Variants in SHB observed in about 807,000 individuals in gnomAD.
The protein encoded by SHB is SH2 domain-containing adapter protein B.
In SHB, 20 loss-of-function variants were observed where a neutral mutation model predicts 52.3. The ratio of observed to expected loss-of-function variants is 0.38; its 90% CI spans 0.27 to 0.56. The LOEUF (loss-of-function observed/expected upper bound fraction) is 0.56, where lower values mean the gene tolerates loss of function less well. Among genes scored for constraint, SHB ranks in the 20% least tolerant of loss-of-function variants. SHB has a pLI of 0.71. For synonymous variants in SHB, 397 were observed against 316.5 expected, an observed-to-expected ratio of 1.25 and a Z score of -2.70; for missense variants, 825 against 723.3, an observed-to-expected ratio of 1.14 and a Z score of -1.61.
In SHB at chr9:37,942,254, T is replaced by C. The variant is rs115501424; in HGVS notation, c.1346+6381A>G. ...CCGGCTGCTCTAAGCCGGATACAAA[T>C]AGACGTCATCAAGCAATCTGAAGGA... On this transcript the variant is annotated intron_variant, in intron 5 of 5. Coordinates refer to ENST00000377707, the MANE Select transcript of SHB (RefSeq NM_003028.3). 2.2e-3 allele frequency among the ~76,000 whole-genome samples: 338 copies of C among 152,252 alleles called. 1 individual carries two copies. The highest frequency in any genetic ancestry group is 4.2e-3 in the African/African-American group (173 of 41,546).
At chr9:38,047,251 A>G (rs1821662787) in intron 1 of SHB, among the ~76,000 whole-genome samples, 1 of 152,208 alleles carries the variant, frequency 6.6e-6, no homozygotes, top group African/African-American at 2.4e-5. Context: ...TCCTTACACA[A>G]TTCCTGTGAG....
In SHB at chr9:37,919,161, C is replaced by T. The variant is rs1280513008; in HGVS notation, c.*660G>A. 6.6e-6 allele frequency: 1 copy of T among 152,644 alleles called. No individual in the cohort carries two copies. Among genetic ancestry groups the T allele is most frequent in the Admixed American group, 6.5e-5 (1 of 15,286 alleles). 9.5% of individuals were successfully genotyped at this position (152,644 alleles called of 1,614,324 possible). On this transcript the variant is annotated 3_prime_UTR_variant, in exon 6 of 6. Coordinates refer to ENST00000377707, the MANE Select transcript of SHB (RefSeq NM_003028.3). Reference sequence around the variant, plus strand: ...TTAAATGACTATTTTATTTACACACCCTATTCATAAATAATTGAATCCTCT... The same window carrying T: ...TTAAATGACTATTTTATTTACACACTCTATTCATAAATAATTGAATCCTCT...
chr9:37,946,647 T>G (rs1832494626), intron 5 of SHB, among the ~76,000 whole-genome samples: 1 of 152,184 alleles, frequency 6.6e-6, no homozygotes, highest in African/African-American at 2.4e-5. Flanking sequence ...AACAGGAAGC[T>G]GGAGCAGCTG....
intron 1 of SHB, among the ~76,000 whole-genome samples, chr9:38,018,917 A>G (rs142302538): frequency 5.0e-4 from 76 of 152,346 alleles, no homozygotes; most frequent in African/African-American, 1.8e-3. Flanking sequence ...AGTTTTCTCC[A>G]GATGTGAGAT....
At chr9:37,933,199 T>C (rs1327845609) in intron 5 of SHB, among the ~76,000 whole-genome samples, 1 of 152,158 alleles carries the variant, frequency 6.6e-6, no homozygotes, top group Non-Finnish European at 1.5e-5. Context: ...GTGGAAAAAC[T>C]CCCAATAGTT....
At chr9:38,028,082 G>C (rs1350195998) in intron 1 of SHB, among the ~76,000 whole-genome samples, 2 of 152,130 alleles carry the variant, frequency 1.3e-5, no homozygotes, top group East Asian at 3.8e-4. Context: ...CAGAATCACA[G>C]GAGTCCCCAG....
At chr9:37,982,621 T>C (rs1192757968) in intron 2 of SHB, among the ~76,000 whole-genome samples, 2 of 141,916 alleles carry the variant, frequency 1.4e-5, no homozygotes, top group Non-Finnish European at 3.0e-5. Flanking sequence ...TGAAACCCCG[T>C]CTCTACTAAA....
At chr9:37,949,377 A>G (rs1832534682) in intron 4 of SHB, among the ~76,000 whole-genome samples, 1 of 147,828 alleles carries the variant, frequency 6.8e-6, no homozygotes, top group Non-Finnish European at 1.5e-5. Context: ...TGGAAGACAC[A>G]GCAAGACTCC....
At chr9:38,023,875 C>T (rs1247690317) in intron 1 of SHB, among the ~76,000 whole-genome samples, 1 of 152,204 alleles carries the variant, frequency 6.6e-6, no homozygotes, top group Non-Finnish European at 1.5e-5. Flanking sequence ...CAGGTACACA[C>T]ACAAGCGCCC....
chr9:38,027,089 C>T (rs57567957), intron 1 of SHB, among the ~76,000 whole-genome samples: 4,036 of 152,286 alleles, frequency 0.027, 160 homozygotes, highest in African/African-American at 0.092. Flanking sequence ...TGTCTGCTTC[C>T]GCTCCACCAG....
In SHB at chr9:38,068,199, G is replaced by C; in HGVS notation, c.447C>G (p.Ala149=). ...CCCASSGAGA[A]ASSSSSSGSP... is the part of the protein sequence containing the mutation. Reference sequence around the variant, plus strand: ...AGCCGGAGGACGAGGACGAGGACGCGGCGGCCCCCGCGCCCGAGGAGGCGC... The same window carrying C: ...AGCCGGAGGACGAGGACGAGGACGCCGCGGCCCCCGCGCCCGAGGAGGCGC... Residue 149 remains alanine (A), a synonymous_variant, in exon 1 of 6, where the codon GCC becomes GCG. Transcript: ENST00000377707. The C allele has an allele frequency of 1.4e-6, 2 of 1,402,802 alleles. No individual in the cohort carries two copies. Among genetic ancestry groups the C allele is most frequent in the Non-Finnish European group, 1.8e-6 (2 of 1,091,710 alleles). The allele number at this position is 1,402,802 out of a possible 1,614,324, so 86.9% of individuals were successfully genotyped here. A position where few individuals can be genotyped will look rare whatever the true frequency, so the allele number is the denominator to read the frequency against.
chr9:37,981,699 A>T (rs931487278), intron 2 of SHB, among the ~76,000 whole-genome samples: 1 of 152,166 alleles, frequency 6.6e-6, no homozygotes, highest in African/African-American at 2.4e-5. Context: ...TTAAAGTGAG[A>T]GATGTGTGAC....
rs1014250876 is a variant in SHB, at chr9:37,916,384, G to A, written c.*3437C>T. ...AGAGCAAATGGGGACCCTGGCTGCCGGTCCTTGCCAGGCCCTTGGTCAATG... is the reference window on the plus strand; with the variant it reads ...AGAGCAAATGGGGACCCTGGCTGCCAGTCCTTGCCAGGCCCTTGGTCAATG... On this transcript the variant is annotated 3_prime_UTR_variant, in exon 6 of 6. Transcript: ENST00000377707. 1.3e-5 allele frequency among the ~76,000 whole-genome samples: 2 copies of A among 152,220 alleles called. No individual in the cohort carries two copies. Among genetic ancestry groups the A allele is most frequent in the South Asian group, 2.1e-4 (1 of 4,834 alleles).
chr9:38,005,003 A>G (rs966555855), intron 2 of SHB, among the ~76,000 whole-genome samples: 2 of 152,190 alleles, frequency 1.3e-5, no homozygotes, highest in Non-Finnish European at 2.9e-5. Flanking sequence ...GACATTCTTC[A>G]CCAGAAAGTT....
chr9:37,943,232 T>C (rs1317001195), intron 5 of SHB, among the ~76,000 whole-genome samples: 1 of 152,170 alleles, frequency 6.6e-6, no homozygotes, highest in Admixed American at 6.5e-5. Context: ...TCCTTCACAT[T>C]CCCCTTCCTG....
chr9:38,013,096 C>T (rs12335961), intron 2 of SHB, among the ~76,000 whole-genome samples: 3,829 of 151,996 alleles, frequency 0.025, 140 homozygotes, highest in African/African-American at 0.086. Flanking sequence ...CAGCAAGGAT[C>T]GTTACAAACA....
At chr9:37,952,637 G>A (rs1418178868) in intron 4 of SHB, among the ~76,000 whole-genome samples, 2 of 152,222 alleles carry the variant, frequency 1.3e-5, no homozygotes, top group Non-Finnish European at 2.9e-5. Flanking sequence ...TGGCCGCAGA[G>A]ATGGAGGAAT....
rs144718918 is a variant in SHB, at chr9:37,927,878, G to C, written c.1347-7874C>G. ...CAGAAGCGGAGGGGGATGGTGAAAT[G>C]CTGCCAAAGCTTCAGGAAAGGGAAA... On this transcript the variant is annotated intron_variant, in intron 5 of 5. Transcript: ENST00000377707. Among the ~76,000 whole-genome samples, 3 of 152,240 alleles carry C rather than the reference G, an allele frequency of 2.0e-5. No individual in the cohort carries two copies. The East Asian group carries it at 5.8e-4, about 29-fold the overall frequency.
chr9:38,038,029 T>C (rs1417659105), intron 1 of SHB, among the ~76,000 whole-genome samples: 1 of 152,222 alleles, frequency 6.6e-6, no homozygotes, highest in Non-Finnish European at 1.5e-5. Flanking sequence ...TAAGAGTTTT[T>C]AAAAGTCAGG....
Sources: allele counts gnomAD v4.1 joint callset (sites outside exome capture counted in the v4.1 genomes callset), GRCh38; gene constraint gnomAD v4.1.1; transcripts MANE v1.5; gene names NCBI Gene and HGNC (gene_info 2026-07-23, HGNC 2026-07-21).